ICA1: variants seen among roughly 807,000 people sequenced by gnomAD.
ICA1 encodes 69 kDa islet cell autoantigen.
In ICA1, 40 loss-of-function variants were observed where a neutral mutation model predicts 71.0. The ratio of observed to expected loss-of-function variants is 0.56; its 90% CI spans 0.44 to 0.73. ICA1 has a LOEUF of 0.73. ICA1 is among the 30% of genes least tolerant of loss of function. The probability of loss-of-function intolerance (pLI) is 0.00; values close to 1 mark genes in which losing one functional copy is unlikely to be tolerated. For missense variants in ICA1, 578 were observed against 576.5 expected (o/e 1.00, Z -0.03); for synonymous variants, 207 against 209.5 (o/e 0.99, Z 0.10).
intron 6 of ICA1, among the ~76,000 whole-genome samples, chr7:8,198,588 T>A (rs1788478968): frequency 6.6e-6 from 1 of 152,150 alleles, no homozygotes; most frequent in African/African-American, 2.4e-5. Flanking sequence ...CAGAGACTGG[T>A]GGTCCAGGCG....
At chr7:8,143,199 A>G (rs1027788297) in intron 9 of ICA1, among the ~76,000 whole-genome samples, 1 of 152,170 alleles carries the variant, frequency 6.6e-6, no homozygotes, top group Admixed American at 6.5e-5. Context: ...CCACATTTCA[A>G]CCTCCTTCTC....
rs1214805625 is a variant in ICA1, at chr7:8,173,833, T to C, written c.580-15181A>G. Among the ~76,000 whole-genome samples the C allele has an allele frequency of 6.6e-6, 1 of 152,174 alleles. No individual in the cohort carries two copies. The highest frequency in any genetic ancestry group is 1.5e-5 in the Non-Finnish European group (1 of 68,026). On this transcript the variant is annotated intron_variant, in intron 6 of 13. Transcript: ENST00000402384. This position sits in a 1 kb window ranked among gnomAD's most constrained non-coding sequence, Gnocchi z 4.0. ...CCCAAGCAATATAATTGAACACCTA[T>C]AGCTCTCGGTGCTGGAGATAAGCAG...
intron 2 of ICA1, among the ~76,000 whole-genome samples, chr7:8,232,960 G>A (rs1800721426): frequency 1.3e-5 from 2 of 152,192 alleles, no homozygotes; most frequent in Non-Finnish European, 2.9e-5. Flanking sequence ...AGTCAGAGTG[G>A]AGAAATTTAG....
At position 8,128,122 on chromosome 7, in the gene ICA1, C is replaced by T; in HGVS notation, c.1081G>A (p.Gly361Arg). Residue 361 changes from glycine (G) to arginine (R), a missense_variant, in exon 13 of 14, where the codon GGG becomes AGG. Transcript: ENST00000402384. ...TCAGCACCTTCAGGTTCCGGGGTCC[C>T]TGCCACTGGTCCCAGGCAAGCTGAT... Reference protein sequence around the residue: ...EEGACLGPVAGTPEPEGADKD... With the variant: ...EEGACLGPVARTPEPEGADKD... The T allele has an allele frequency of 1.9e-6, 3 of 1,614,118 alleles. No individual in the cohort carries two copies. Among genetic ancestry groups the T allele is most frequent in the Non-Finnish European group, 2.5e-6 (3 of 1,179,988 alleles).
At chr7:8,119,929 C>T (rs1224412923) in intron 13 of ICA1, among the ~76,000 whole-genome samples, 3 of 152,140 alleles carry the variant, frequency 2.0e-5, no homozygotes, top group Non-Finnish European at 4.4e-5. Flanking sequence ...TGGCAGATTC[C>T]TTTATAGACA....
chr7:8,137,449 T>C (rs775590586), intron 12 of ICA1, among the ~76,000 whole-genome samples: 28 of 152,226 alleles, frequency 1.8e-4, no homozygotes, highest in Non-Finnish European at 3.2e-4. Flanking sequence ...CCTAGGTTTG[T>C]TCTATTATTG....
chr7:8,227,340 C>A (rs954539394), intron 4 of ICA1, among the ~76,000 whole-genome samples: 1 of 152,036 alleles, frequency 6.6e-6, no homozygotes, highest in African/African-American at 2.4e-5. Flanking sequence ...GTGGCCTGAA[C>A]CAAGGTAGTG....
At chr7:8,251,005 T>TC (rs544083911) in intron 1 of ICA1, among the ~76,000 whole-genome samples, 1 of 151,732 alleles carries the variant, frequency 6.6e-6, no homozygotes, top group African/African-American at 2.4e-5. Context: ...GCTCAAGTGA[T>TC]CCCCCCCACC....
chr7:8,205,502 T>A (rs1791206658), intron 6 of ICA1, among the ~76,000 whole-genome samples: 2 of 152,152 alleles, frequency 1.3e-5, no homozygotes, highest in African/African-American at 2.4e-5. Context: ...AAAAGATGTG[T>A]GGTTTAGAAT....
At chr7:8,235,111 CT>C (rs1801437572) in intron 2 of ICA1, among the ~76,000 whole-genome samples, 2 of 152,054 alleles carry the variant, frequency 1.3e-5, no homozygotes, top group Middle Eastern at 6.8e-3. Context: ...TTGCAGTGAG[CT>C]GAGATTGCAC....
chr7:8,119,825 G>A (rs1786169214), intron 13 of ICA1, among the ~76,000 whole-genome samples: 1 of 152,230 alleles, frequency 6.6e-6, no homozygotes, highest in Non-Finnish European at 1.5e-5. Flanking sequence ...CAGCCTGAGT[G>A]ACAGAGTAAG....
intron 12 of ICA1, among the ~76,000 whole-genome samples, chr7:8,138,390 C>T (rs897920883): frequency 6.6e-6 from 1 of 152,178 alleles, no homozygotes; most frequent in Admixed American, 6.5e-5. Context: ...CCATCAAGGA[C>T]CCCTTACACA....
intron 6 of ICA1, among the ~76,000 whole-genome samples, chr7:8,161,607 G>A (rs73674893): frequency 0.035 from 5,371 of 152,288 alleles, 323 homozygotes; most frequent in African/African-American, 0.12. Flanking sequence ...AGGGCCATCA[G>A]AATATGCCTG....
rs1362260972 is a variant in ICA1 at position 8,222,597 on chromosome 7, C to T, written c.257-1199G>A. On this transcript the variant is annotated intron_variant, in intron 4 of 13. Transcript: ENST00000402384. The surrounding 1 kb of genome is among the most constrained non-coding windows in gnomAD (Gnocchi z 4.8). ...CACAAATCCAAAGGTGAAGGCTAAA[C>T]TCGATACTGCTACCTTATTAATTTG... is the stretch of plus-strand genomic sequence containing the variant. Among the ~76,000 whole-genome samples, 2 of 152,170 alleles carry T rather than the reference C, an allele frequency of 1.3e-5. No individual in the cohort carries two copies. Among genetic ancestry groups the T allele is most frequent in the African/African-American group, 4.8e-5 (2 of 41,446 alleles).
chr7:8,176,221 C>A (rs1281382075), intron 6 of ICA1, among the ~76,000 whole-genome samples: 1 of 152,220 alleles, frequency 6.6e-6, no homozygotes, highest in East Asian at 1.9e-4. Context: ...TTCCAGGCAC[C>A]TTATCCTTCA....
chr7:8,261,326 G>A (rs888714903), intron 1 of ICA1, among the ~76,000 whole-genome samples: 2 of 152,284 alleles, frequency 1.3e-5, no homozygotes, highest in South Asian at 4.1e-4. Context: ...GGTTCCTGGA[G>A]AGCCGCTTTG....
chr7:8,210,877 G>C (rs1348992863), intron 6 of ICA1, among the ~76,000 whole-genome samples: 4 of 152,090 alleles, frequency 2.6e-5, no homozygotes, highest in African/African-American at 9.7e-5. Context: ...CATGGGCCAA[G>C]GGAAATTTTA....
chr7:8,262,349 C>G (rs1162593485), upstream of ICA1: 13 of 152,440 alleles, frequency 8.5e-5, no homozygotes, highest in African/African-American at 2.9e-4. Context: ...GCCGCCGCTG[C>G]CTCCCTTCCC....
chr7:8,146,736 CGT>C (rs1797056744), intron 8 of ICA1, among the ~76,000 whole-genome samples: 2 of 23,746 alleles, frequency 8.4e-5, no homozygotes, highest in Admixed American at 4.9e-4. Context: ...CGTGTGTGTG[CGT>C]GTGCGTGTGT....
Sources: allele counts gnomAD v4.1 joint callset (sites outside exome capture counted in the v4.1 genomes callset), GRCh38; gene constraint gnomAD v4.1.1; non-coding constraint Gnocchi (gnomAD v3.1); transcripts MANE v1.5; gene names NCBI Gene and HGNC (gene_info 2026-07-23, HGNC 2026-07-21).